Variants in MITF observed in about 807,000 individuals in gnomAD.
MITF encodes the protein microphthalmia-associated transcription factor.
Under a neutral mutation model 60.5 loss-of-function variants are expected in MITF, and 17 were observed. The observed-to-expected ratio is 0.28, with a 90% CI of 0.19 to 0.42. The LOEUF is 0.42. Among genes scored for constraint, MITF ranks in the 10% least tolerant of loss-of-function variants. The pLI is 1.00. For missense variants in MITF, 622 were observed against 683.5 expected, an observed-to-expected ratio of 0.91 and a Z score of 1.00; for synonymous variants, 260 against 248.5, an observed-to-expected ratio of 1.05 and a Z score of -0.43.
chr3:69,787,005 G>T (rs2062660736), intron 1 of MITF, among the ~76,000 whole-genome samples: 1 of 152,126 alleles, frequency 6.6e-6, no homozygotes, highest in South Asian at 2.1e-4. Context: ...AGTGTTGCTG[G>T]TTCCACTTCG....
At chr3:69,898,095 C>T (rs1250821874) in intron 2 of MITF, among the ~76,000 whole-genome samples, 6 of 152,224 alleles carry the variant, frequency 3.9e-5, no homozygotes, top group African/African-American at 9.6e-5. Flanking sequence ...AATGCATGCA[C>T]AGTTTCAGCC....
At chr3:69,775,138 A>T (rs561169187) in intron 1 of MITF, among the ~76,000 whole-genome samples, 1 of 151,988 alleles carries the variant, frequency 6.6e-6, no homozygotes, top group African/African-American at 2.4e-5. Flanking sequence ...TGGTTTCCTA[A>T]TCTTATCCTT....
chr3:69,901,532 G>C (rs1033766108), intron 2 of MITF, among the ~76,000 whole-genome samples: 1 of 151,744 alleles, frequency 6.6e-6, no homozygotes, highest in Non-Finnish European at 1.5e-5. Flanking sequence ...TTAAGATTTT[G>C]TTAGAGTGCA....
chr3:69,939,096 A>G lies in MITF; in HGVS notation c.583-2A>G. The G allele has an allele frequency of 6.2e-7, 1 of 1,613,894 alleles. No homozygotes were observed. Among genetic ancestry groups the G allele is most frequent in the Non-Finnish European group, 8.5e-7 (1 of 1,179,948 alleles). ...AGACTGTTTTTGCTTGTGTTTTTGC[A>G]GGGATTTTATAAGTTTGAAGAGCAA... On this transcript the variant is annotated splice_acceptor_variant, in intron 3 of 9. Coordinates refer to ENST00000352241, the MANE Select transcript of MITF (RefSeq NM_001354604.2). LOFTEE classifies it high-confidence loss of function.
chr3:69,805,569 A>G (rs970434329), intron 1 of MITF, among the ~76,000 whole-genome samples: 3 of 152,306 alleles, frequency 2.0e-5, no homozygotes, highest in East Asian at 1.9e-4. Flanking sequence ...AAGGGCAGGA[A>G]GAATGTTAGT....
At chr3:69,830,047 G>T (rs1053458757) in intron 1 of MITF, among the ~76,000 whole-genome samples, 1 of 152,152 alleles carries the variant, frequency 6.6e-6, no homozygotes, top group Non-Finnish European at 1.5e-5. Flanking sequence ...GATCTTCTGG[G>T]CGATGTTTCA....
intron 1 of MITF, among the ~76,000 whole-genome samples, chr3:69,852,037 A>G (rs1449066408): frequency 6.6e-6 from 1 of 152,096 alleles, no homozygotes; most frequent in African/African-American, 2.4e-5. Flanking sequence ...TATACAAACA[A>G]TTTTAGGGTG....
intron 1 of MITF, among the ~76,000 whole-genome samples, chr3:69,806,212 G>A (rs1345264743): frequency 6.6e-6 from 1 of 151,812 alleles, no homozygotes; most frequent in Non-Finnish European, 1.5e-5. Context: ...AGCCTCCTGA[G>A]TAGCTGGGAT....
chr3:69,868,606 T>C (rs1439845447), intron 1 of MITF, among the ~76,000 whole-genome samples: 1 of 152,096 alleles, frequency 6.6e-6, no homozygotes, highest in Non-Finnish European at 1.5e-5. Flanking sequence ...CCATTGATTA[T>C]AAGACAGCTA....
In MITF at chr3:69,966,323, A is replaced by G. The variant is rs1450252945; in HGVS notation, c.*1075A>G. The G allele has an allele frequency of 4.3e-6, 1 of 232,898 alleles. No homozygotes were observed. The highest frequency in any genetic ancestry group is 8.5e-6 in the Non-Finnish European group (1 of 117,706). The allele number at this position is 232,898 out of a possible 1,614,324, so 14.4% of individuals were successfully genotyped here. On this transcript the variant is annotated 3_prime_UTR_variant, in exon 10 of 10. Coordinates refer to ENST00000352241, the MANE Select transcript of MITF (RefSeq NM_001354604.2). ...ACCCATGAAAGAAAACTTTTATGCAAGGTCTTGCATTTAAAAGACAGCTTT... is the reference window on the plus strand; with the variant it reads ...ACCCATGAAAGAAAACTTTTATGCAGGGTCTTGCATTTAAAAGACAGCTTT...
chr3:69,824,519 G>C (rs2063325125), intron 1 of MITF, among the ~76,000 whole-genome samples: 1 of 152,196 alleles, frequency 6.6e-6, no homozygotes, highest in Admixed American at 6.5e-5. Context: ...TGGCAGGAGA[G>C]GGTGCTGGAG....
intron 1 of MITF, among the ~76,000 whole-genome samples, chr3:69,787,785 C>A (rs7648607): frequency 0.48 from 72,771 of 151,874 alleles, 18,732 homozygotes; most frequent in Non-Finnish European, 0.59. Context: ...GGATCTCCTA[C>A]GTGTCCAACA....
Position 69,959,345 on chromosome 3 carries a change from G to A in MITF, c.1104G>A (p.Gln368=), listed in dbSNP as rs957632782. Residue 368 remains glutamine (Q), a synonymous_variant, in exon 9 of 10, where the codon CAG becomes CAA. Transcript: ENST00000352241. ...ATATCCGAAAGTTGCAACGAGAACAGCAACGCGCAAAAGAACTTGAAAACC... is the reference window on the plus strand; with the variant it reads ...ATATCCGAAAGTTGCAACGAGAACAACAACGCGCAAAAGAACTTGAAAACC... ...VDYIRKLQRE[Q]QRAKELENRQ... 6 of 1,614,006 alleles carry A rather than the reference G, an allele frequency of 3.7e-6. No individual in the cohort carries two copies. Among genetic ancestry groups the A allele is most frequent in the Non-Finnish European group, 5.1e-6 (6 of 1,179,958 alleles).
intron 1 of MITF, among the ~76,000 whole-genome samples, chr3:69,803,821 GTT>G (rs77332554): frequency 2.1e-5 from 3 of 140,460 alleles, no homozygotes; most frequent in Admixed American, 7.2e-5. Flanking sequence ...AATAACTCAT[GTT>G]TTTTTTTTTT....
At chr3:69,809,625 CA>C (rs1474551424) in intron 1 of MITF, among the ~76,000 whole-genome samples, 7 of 144,458 alleles carry the variant, frequency 4.8e-5, no homozygotes, top group African/African-American at 9.9e-5. Flanking sequence ...GAACTAAGTA[CA>C]TTTTTTTTTT....
chr3:69,922,644 AACTGGT>A (rs1559722220), intron 2 of MITF, among the ~76,000 whole-genome samples: 1 of 152,186 alleles, frequency 6.6e-6, no homozygotes, highest in Non-Finnish European at 1.5e-5. Flanking sequence ...AGTACGTAAC[AACTGGT>A]ACTTCAGTGA....
At chr3:69,841,387 G>A (rs902452820) in intron 1 of MITF, among the ~76,000 whole-genome samples, 2 of 152,208 alleles carry the variant, frequency 1.3e-5, no homozygotes, top group African/African-American at 4.8e-5. Context: ...TTGAAAAGGT[G>A]ATAGATAAAA....
At chr3:69,826,098 A>C (rs1385754606) in intron 1 of MITF, among the ~76,000 whole-genome samples, 1 of 152,220 alleles carries the variant, frequency 6.6e-6, no homozygotes, top group Non-Finnish European at 1.5e-5. Context: ...TTATAAGTGT[A>C]CACCATGATG....
intron 1 of MITF, among the ~76,000 whole-genome samples, chr3:69,873,775 A>T (rs1034890792): frequency 1.3e-5 from 2 of 152,222 alleles, no homozygotes; most frequent in Non-Finnish European, 2.9e-5. Flanking sequence ...CTCTCCTACT[A>T]TGCAGACAAG....
Sources: allele counts gnomAD v4.1 joint callset (sites outside exome capture counted in the v4.1 genomes callset), GRCh38; gene constraint gnomAD v4.1.1; transcripts MANE v1.5; gene names NCBI Gene and HGNC (gene_info 2026-07-23, HGNC 2026-07-21).